Variants in UNC13B observed in about 807,000 individuals in gnomAD.
The protein encoded by UNC13B is unc-13 homolog B, also known as protein unc-13 homolog B.
UNC13B carries 144 observed loss-of-function variants against 211.0 expected under a neutral mutation model. That is an observed-to-expected ratio of 0.68 (90% confidence interval 0.60 to 0.78). UNC13B has a LOEUF of 0.78. Ranked by LOEUF, UNC13B falls within the 30% of genes least tolerant of loss-of-function variation. The pLI, the probability that UNC13B is intolerant of heterozygous loss-of-function variation, is 0.00. For synonymous variants in UNC13B, 709 were observed against 725.8 expected, an observed-to-expected ratio of 0.98 and a Z score of 0.37; for missense variants, 1,777 against 2,002.0, an observed-to-expected ratio of 0.89 and a Z score of 2.14.
rs374890883 is a variant in UNC13B at position 35,356,889 on chromosome 9, G to T, written c.9415-10058G>T. 2.1e-4 allele frequency among the ~76,000 whole-genome samples: 32 copies of T among 152,298 alleles called. No individual in the cohort carries two copies. The East Asian group carries it at 5.6e-3, about 27-fold the overall frequency. On this transcript the variant is annotated intron_variant, in intron 11 of 39. Transcript: ENST00000635942. ...ATATGTGCCCTTTTGTGTCTGGCAT[G>T]ATGTTTTTAAGGATGCTGTAGCATG... is the stretch of plus-strand genomic sequence containing the variant.
intron 8 of UNC13B, 68 bp from the exon 9 acceptor site, chr9:35,300,098 A>T (rs1433061063): frequency 5.0e-6 from 2 of 397,962 alleles, no homozygotes; most frequent in African/African-American, 4.1e-5. Flanking sequence ...CAGGAAAAAG[A>T]TACCACCTCA....
intron 11 of UNC13B, among the ~76,000 whole-genome samples, chr9:35,362,799 C>CA (rs36011341): frequency 0.26 from 25,465 of 98,620 alleles, 2,828 homozygotes; most frequent in Non-Finnish European, 0.33. Flanking sequence ...GACTCCGTCT[C>CA]AAAAAAAAAA....
At chr9:35,377,292 T>A (rs557078809) in intron 15 of UNC13B, among the ~76,000 whole-genome samples, 176 bp from the exon 16 acceptor site, 1 of 152,284 alleles carries the variant, frequency 6.6e-6, no homozygotes, top group East Asian at 1.9e-4. Flanking sequence ...TTGGCCAAAA[T>A]CCATCATGAA....
At chr9:35,371,892 T>C (rs1032809918) in intron 13 of UNC13B, 1 of 152,660 alleles carries the variant, frequency 6.6e-6, no homozygotes, top group Non-Finnish European at 1.5e-5. Flanking sequence ...CTTTCGAGCC[T>C]TTAACATCAT....
intron 10 of UNC13B, among the ~76,000 whole-genome samples, chr9:35,312,807 GGTA>G (rs1355454039): frequency 1.3e-5 from 2 of 152,134 alleles, no homozygotes. Context: ...TCTAATGCAG[GGTA>G]GTGTTTCTGT....
intron 11 of UNC13B, among the ~76,000 whole-genome samples, chr9:35,338,721 A>G (rs1184742890): frequency 1.3e-5 from 2 of 152,154 alleles, no homozygotes; most frequent in African/African-American, 4.8e-5. Context: ...GGCCGCACCC[A>G]TCCTTTGTAC....
At chr9:35,402,423 AG>A (rs1836378492) in intron 37 of UNC13B, among the ~76,000 whole-genome samples, 1 of 151,764 alleles carries the variant, frequency 6.6e-6, no homozygotes, top group Admixed American at 6.6e-5. Context: ...CTGGGACTAC[AG>A]GCGCCTGCCA....
intron 11 of UNC13B, among the ~76,000 whole-genome samples, chr9:35,319,179 C>A (rs1830608323): frequency 6.6e-6 from 1 of 151,830 alleles, no homozygotes; most frequent in Non-Finnish European, 1.5e-5. Context: ...TGGCTTATGC[C>A]TGTAATCCCA....
chr9:35,401,083 T>C (rs915015465), intron 37 of UNC13B, among the ~76,000 whole-genome samples: 2 of 152,176 alleles, frequency 1.3e-5, no homozygotes, highest in Admixed American at 6.5e-5. Context: ...CACATCTGCA[T>C]AGATGTAGCT....
Position 35,398,223 on chromosome 9 carries a change from A to G in UNC13B, c.11767A>G (p.Met3923Val), listed in dbSNP as rs1486321422. Residue 3923 changes from methionine (M) to valine (V), a missense_variant, in exon 31 of 40, where the codon ATG (methionine) becomes GTG (valine). Physicochemically the swap from Met to Val is conservative, Grantham distance 21. Coordinates refer to ENST00000635942, the MANE Select transcript of UNC13B (RefSeq NM_001371189.2). Reference sequence around the variant, plus strand: ...TCTGTCCCCAAAGCCCTGCATCCTGATGAACAACGTGCAGCAACTGAGGGT... The same window carrying G: ...TCTGTCCCCAAAGCCCTGCATCCTGGTGAACAACGTGCAGCAACTGAGGGT... ...CTKEKLPCILMNNVQQLRVQL... is the reference protein window; with the variant it reads ...CTKEKLPCILVNNVQQLRVQL... The G allele has an allele frequency of 6.2e-7, 1 of 1,613,684 alleles. No homozygotes were observed. The highest frequency in any genetic ancestry group is 8.5e-7 in the Non-Finnish European group (1 of 1,179,886).
chr9:35,164,748 C>G (rs1820945104), intron 1 of UNC13B, among the ~76,000 whole-genome samples: 1 of 152,220 alleles, frequency 6.6e-6, no homozygotes, highest in African/African-American at 2.4e-5. Context: ...TTCTGCCTAT[C>G]TAAAATGTAT....
intron 11 of UNC13B, among the ~76,000 whole-genome samples, chr9:35,362,659 G>A (rs1833497105): frequency 6.6e-6 from 1 of 152,100 alleles, no homozygotes; most frequent in Non-Finnish European, 1.5e-5. Flanking sequence ...AATTAGCTGG[G>A]CATGGTGGTG....
At chr9:35,236,651 C>T in intron 4 of UNC13B, 65 bp downstream of exon 4, 1 of 1,387,400 alleles carries the variant, frequency 7.2e-7, no homozygotes, top group Non-Finnish European at 1.0e-6. Flanking sequence ...CATGCTAGCT[C>T]CACTTTAGCT....
rs78593939 is a variant in UNC13B, at chr9:35,273,402, T to C, written c.526+14352T>C. Among the ~76,000 whole-genome samples, 968 of 152,344 alleles carry C rather than the reference T, an allele frequency of 6.4e-3. 10 individuals carry two copies. Among genetic ancestry groups the C allele is most frequent in the South Asian group, 0.015 (73 of 4,824 alleles). On this transcript the variant is annotated intron_variant, in intron 7 of 39. Coordinates refer to ENST00000635942, the MANE Select transcript of UNC13B (RefSeq NM_001371189.2). ...CTAGTGTCCATTGCGTTGATATTTG[T>C]TGATTCTTAGATGGCAAGCAGTAGG...
At chr9:35,356,421 A>C (rs750768139) in intron 11 of UNC13B, among the ~76,000 whole-genome samples, 72 of 151,934 alleles carry the variant, frequency 4.7e-4, no homozygotes, top group Admixed American at 1.7e-3. Context: ...AAGTACTCTC[A>C]TGTGCATTGT....
intron 11 of UNC13B, among the ~76,000 whole-genome samples, chr9:35,321,830 T>C (rs1336278597): frequency 6.6e-6 from 1 of 152,172 alleles, no homozygotes; most frequent in African/African-American, 2.4e-5. Context: ...TTAAGACTTC[T>C]GTCAAACTTC....
intron 1 of UNC13B, among the ~76,000 whole-genome samples, chr9:35,205,760 T>C (rs893442281): frequency 2.6e-5 from 4 of 152,258 alleles, no homozygotes; most frequent in African/African-American, 9.6e-5. Context: ...TAATATTCCA[T>C]TATATGGGTA....
intron 20 of UNC13B, among the ~76,000 whole-genome samples, chr9:35,381,999 G>A (rs1372234627): frequency 6.6e-6 from 1 of 152,172 alleles, no homozygotes; most frequent in East Asian, 1.9e-4. Context: ...AACCTGCCTA[G>A]ACATCACAGG....
intron 11 of UNC13B, chr9:35,342,280 G>T: frequency 1.0e-6 from 1 of 985,726 alleles, no homozygotes; most frequent in South Asian, 4.7e-5. Flanking sequence ...TCTAAAACTT[G>T]AGAATTCATG....
Sources: allele counts gnomAD v4.1 joint callset (sites outside exome capture counted in the v4.1 genomes callset), GRCh38; gene constraint gnomAD v4.1.1; transcripts MANE v1.5; gene names NCBI Gene and HGNC (gene_info 2026-07-23, HGNC 2026-07-21).